GPC6: variants seen among roughly 807,000 people sequenced by gnomAD.
GPC6 encodes glypican 6, also known as glypican-6.
GPC6 carries 14 observed loss-of-function variants against 55.2 expected under a neutral mutation model. The observed-to-expected ratio is 0.25, with a 90% CI of 0.17 to 0.40. The LOEUF (loss-of-function observed/expected upper bound fraction) is 0.40, where lower values mean the gene tolerates loss of function less well. GPC6 is among the 10% of genes least tolerant of loss of function. The probability of loss-of-function intolerance (pLI) is 1.00; values close to 1 mark genes in which losing one functional copy is unlikely to be tolerated. For synonymous variants in GPC6, 278 were observed against 259.6 expected (o/e 1.07, Z -0.68); for missense variants, 641 against 708.5 (o/e 0.90, Z 1.08).
intron 3 of GPC6, among the ~76,000 whole-genome samples, chr13:93,935,935 C>G (rs1878415464): frequency 6.6e-6 from 1 of 152,112 alleles, no homozygotes; most frequent in Admixed American, 6.6e-5. Flanking sequence ...GGATTTTTAT[C>G]AGATTCCCTC....
chr13:93,457,496 G>C (rs1878499087), intron 1 of GPC6, among the ~76,000 whole-genome samples: 1 of 152,142 alleles, frequency 6.6e-6, no homozygotes, highest in Non-Finnish European at 1.5e-5. Context: ...AACCACAAAG[G>C]TATGTTTCTT....
intron 2 of GPC6, among the ~76,000 whole-genome samples, chr13:93,737,160 T>C (rs9516277): frequency 0.2 from 30,976 of 152,120 alleles, 3,612 homozygotes; most frequent in Middle Eastern, 0.37. Context: ...GCCATTGCAC[T>C]ATGACTGGCT....
At chr13:94,181,487 G>T (rs1318709076) in intron 4 of GPC6, among the ~76,000 whole-genome samples, 3 of 152,132 alleles carry the variant, frequency 2.0e-5, no homozygotes, top group East Asian at 3.9e-4. Context: ...TTTTCATAAA[G>T]AATCAAATAT....
chr13:93,531,241 T>C (rs1206704331), intron 1 of GPC6, among the ~76,000 whole-genome samples: 1 of 150,932 alleles, frequency 6.6e-6, no homozygotes, highest in East Asian at 1.9e-4. Flanking sequence ...TGTAAGAACA[T>C]ATATATTTTA....
intron 3 of GPC6, among the ~76,000 whole-genome samples, chr13:93,842,855 AAT>A (rs1197998119): frequency 2.0e-5 from 3 of 152,090 alleles, no homozygotes; most frequent in African/African-American, 7.2e-5. Context: ...TCCTAAAATC[AAT>A]ATGTGTGTTC....
chr13:93,282,750 G>C lies in GPC6; in HGVS notation c.160+55134G>C, dbSNP rs372970793. On this transcript the variant is annotated intron_variant, in intron 1 of 8. Coordinates refer to ENST00000377047, the MANE Select transcript of GPC6 (RefSeq NM_005708.5). ...TAATCACTTTAAGCTCTTTTACATGGTTCTTTTGGTAATTAATTCAAATCT... is the reference window on the plus strand; with the variant it reads ...TAATCACTTTAAGCTCTTTTACATGCTTCTTTTGGTAATTAATTCAAATCT... Among the ~76,000 whole-genome samples the C allele has an allele frequency of 3.5e-3, 426 of 120,268 alleles. 1 individual carries two copies. Among genetic ancestry groups the C allele is most frequent in the African/African-American group, 0.013 (411 of 31,048 alleles). The allele number at this position is 120,268 out of a possible 152,430, so 78.9% of individuals were successfully genotyped here.
chr13:94,226,937 T>C (rs1254023198), intron 4 of GPC6, among the ~76,000 whole-genome samples: 1 of 152,086 alleles, frequency 6.6e-6, no homozygotes, highest in Non-Finnish European at 1.5e-5. Flanking sequence ...GAACCAGCAG[T>C]CCCAAGACAT....
At chr13:93,395,237 G>A in intron 1 of GPC6, 1 of 414,478 alleles carries the variant, frequency 2.4e-6, no homozygotes, top group South Asian at 2.5e-5. Context: ...ATTCCCACCA[G>A]AACCACTTGC....
At chr13:94,145,871 G>T (rs1472799306) in intron 4 of GPC6, among the ~76,000 whole-genome samples, 1 of 152,136 alleles carries the variant, frequency 6.6e-6, no homozygotes. Flanking sequence ...ACCCAATCTG[G>T]AGGTTTGGGT....
At chr13:93,723,949 C>T (rs1382841395) in intron 2 of GPC6, among the ~76,000 whole-genome samples, 1 of 151,850 alleles carries the variant, frequency 6.6e-6, no homozygotes, top group Non-Finnish European at 1.5e-5. Flanking sequence ...GAGACAGACC[C>T]AGGTGTTTGA....
At chr13:93,497,567 G>T (rs1477806724) in intron 1 of GPC6, among the ~76,000 whole-genome samples, 1 of 152,178 alleles carries the variant, frequency 6.6e-6, no homozygotes, top group East Asian at 1.9e-4. Context: ...AGTTAACAGG[G>T]ATGTATGGCC....
At chr13:94,166,207 A>G (rs1447879003) in intron 4 of GPC6, among the ~76,000 whole-genome samples, 1 of 152,202 alleles carries the variant, frequency 6.6e-6, no homozygotes, top group Non-Finnish European at 1.5e-5. Context: ...ACACTTCATA[A>G]TGCAAGAGTA....
intron 4 of GPC6, among the ~76,000 whole-genome samples, chr13:94,101,545 A>G (rs1391368757): frequency 6.6e-6 from 1 of 152,208 alleles, no homozygotes; most frequent in Non-Finnish European, 1.5e-5. Flanking sequence ...ATAAAAGTGG[A>G]ACTCCCTCAT....
At chr13:94,071,056 A>G (rs574999998) in intron 4 of GPC6, among the ~76,000 whole-genome samples, 127 of 152,348 alleles carry the variant, frequency 8.3e-4, no homozygotes, top group Admixed American at 1.3e-3. Flanking sequence ...ATGATGCTAC[A>G]CAGGGAAAGA....
chr13:94,274,667 T>C (rs138087223), intron 4 of GPC6, among the ~76,000 whole-genome samples: 33 of 152,216 alleles, frequency 2.2e-4, no homozygotes, highest in African/African-American at 7.7e-4. Flanking sequence ...ATCACAGAGA[T>C]TGTCTTGAAA....
intron 2 of GPC6, among the ~76,000 whole-genome samples, chr13:93,565,464 T>C (rs1876051363): frequency 6.6e-6 from 1 of 152,236 alleles, no homozygotes; most frequent in Non-Finnish European, 1.5e-5. Flanking sequence ...CTCAACTCTT[T>C]GCCTTTTCCA....
At chr13:93,699,312 A>G (rs917651994) in intron 2 of GPC6, among the ~76,000 whole-genome samples, 1 of 152,122 alleles carries the variant, frequency 6.6e-6, no homozygotes, top group Non-Finnish European at 1.5e-5. Flanking sequence ...TAAAAGATAA[A>G]AAGTAGCTTG....
At chr13:94,302,484 C>G (rs978694620) in intron 5 of GPC6, among the ~76,000 whole-genome samples, 15 of 152,186 alleles carry the variant, frequency 9.9e-5, no homozygotes, top group African/African-American at 3.6e-4. Context: ...TTGGAGGACA[C>G]AAATATTCAG....
At chr13:94,395,924 C>T (rs931914063) in intron 7 of GPC6, among the ~76,000 whole-genome samples, 1 of 152,188 alleles carries the variant, frequency 6.6e-6, no homozygotes, top group Non-Finnish European at 1.5e-5. Context: ...CATCTGGGCT[C>T]CCTTGCCCAC....
Sources: gnomAD v4.1 joint callset for allele counts (sites outside exome capture counted in the v4.1 genomes callset) on GRCh38, gnomAD v4.1.1 for gene constraint, MANE v1.5 for transcripts, NCBI Gene and HGNC (gene_info 2026-07-23, HGNC 2026-07-21) for gene names.